The following SORCS1 variants were observed in gnomAD, a reference collection of about 807,000 sequenced individuals.
The protein encoded by SORCS1 is VPS10 domain-containing receptor SorCS1.
In SORCS1, 60 loss-of-function variants were observed where a neutral mutation model predicts 146.1. The observed-to-expected ratio is 0.41, with a 90% confidence interval of 0.33 to 0.51. SORCS1 has a LOEUF of 0.51. Ranked by LOEUF, SORCS1 falls within the 20% of genes least tolerant of loss-of-function variation. The probability of loss-of-function intolerance (pLI) is 0.21; values close to 1 mark genes in which losing one functional copy is unlikely to be tolerated. For missense variants in SORCS1, 1,352 were observed against 1,487.6 expected (o/e 0.91, Z 1.50); for synonymous variants, 637 against 584.0 (o/e 1.09, Z -1.31).
intron 1 of SORCS1, among the ~76,000 whole-genome samples, chr10:107,053,544 AAT>A (rs1308594702): frequency 2.0e-5 from 3 of 152,174 alleles, no homozygotes; most frequent in African/African-American, 7.2e-5. Flanking sequence ...TTGAAAAAAA[AAT>A]GTCTCCAACT....
At position 107,112,740 on chromosome 10, in the gene SORCS1, T is replaced by C. The variant is rs1197176945; in HGVS notation, c.558+51229A>G. ...AAGAGAGCATGGGTGGCTATACTTA[T>C]ATCAGACAACATAGATTTTCAGTCA... On this transcript the variant is annotated intron_variant, in intron 1 of 25. Coordinates refer to ENST00000263054, the MANE Select transcript of SORCS1 (RefSeq NM_052918.5). Among the ~76,000 whole-genome samples the C allele has an allele frequency of 2.0e-5, 3 of 152,208 alleles. 1 individual carries two copies. Among genetic ancestry groups the C allele is most frequent in the Admixed American group, 2.0e-4 (3 of 15,274 alleles).
rs752752763 is a variant in SORCS1, at chr10:107,164,029, C to G, written c.498G>C (p.Ala166=). 1.9e-6 allele frequency: 3 copies of G among 1,614,088 alleles called. No homozygotes were observed. In the South Asian group the frequency reaches 3.3e-5, roughly 18 times the overall value. ...EELRLTSTTF[A]LTGDSAHNQA... ...GGTTGTGTGCTGAGTCTCCCGTCAGCGCAAACGTGGTGCTGGTCAGTCTCA... is the reference window on the plus strand; with the variant it reads ...GGTTGTGTGCTGAGTCTCCCGTCAGGGCAAACGTGGTGCTGGTCAGTCTCA... Residue 166 remains alanine, a synonymous_variant, in exon 1 of 26, where the codon GCG becomes GCC. Transcript: ENST00000263054. The surrounding 1 kb of genome is among the most constrained non-coding windows in gnomAD (Gnocchi z 6.8).
chr10:106,774,321 C>T (rs1369332861), intron 4 of SORCS1, among the ~76,000 whole-genome samples: 3 of 152,050 alleles, frequency 2.0e-5, no homozygotes, highest in African/African-American at 4.8e-5. Context: ...ACATATCATT[C>T]TCTGGATGCA....
At chr10:106,804,749 A>G (rs1009137860) in intron 3 of SORCS1, among the ~76,000 whole-genome samples, 5 of 152,336 alleles carry the variant, frequency 3.3e-5, no homozygotes, top group South Asian at 2.1e-4. Flanking sequence ...AGTGAAATAT[A>G]TGGACCTCTT....
At chr10:106,647,036 T>C (rs1300467562) in intron 18 of SORCS1, among the ~76,000 whole-genome samples, 1 of 131,470 alleles carries the variant, frequency 7.6e-6, no homozygotes, top group Non-Finnish European at 1.6e-5. Flanking sequence ...TATATATATA[T>C]ATATATGGTA....
intron 6 of SORCS1, among the ~76,000 whole-genome samples, chr10:106,715,180 A>G (rs983364928): frequency 3.3e-5 from 5 of 152,206 alleles, no homozygotes; most frequent in African/African-American, 1.2e-4. Context: ...TCCATATTCA[A>G]TTCTGGTGAG....
At chr10:106,600,495 T>A (rs552112484) in intron 23 of SORCS1, 1 of 983,888 alleles carries the variant, frequency 1.0e-6, no homozygotes, top group African/African-American at 1.7e-5. Flanking sequence ...GAAATGAGTA[T>A]GAAACTGTTG....
Position 106,629,318 on chromosome 10 carries a change from C to G in SORCS1, c.2546G>C (p.Ser849Thr), listed in dbSNP as rs1168892673. Reference sequence around the variant, plus strand: ...GTGTTTGATCCCATCTTCCATGGAGCTGAGATTGACGTAAGACACCGCGAT... The same window carrying G: ...GTGTTTGATCCCATCTTCCATGGAGGTGAGATTGACGTAAGACACCGCGAT... ...DGIAVSYVNL[S>T]SMEDGIKHVY... The change falls in exon 19 of 26, where the codon AGC becomes ACC. Residue 849 changes from serine to threonine, a missense_variant. By Grantham distance (58) the Ser-to-Thr change is moderately conservative. This residue lies in a region of SORCS1 where 648 missense variants were observed against 793.8 expected (regional missense o/e 0.82). Coordinates refer to ENST00000263054, the MANE Select transcript of SORCS1 (RefSeq NM_052918.5). 3 of 1,614,062 alleles carry G rather than the reference C, an allele frequency of 1.9e-6. No homozygotes were observed. Among genetic ancestry groups the G allele is most frequent in the South Asian group, 2.2e-5 (2 of 91,086 alleles).
At chr10:106,744,386 T>C (rs573202107) in intron 5 of SORCS1, among the ~76,000 whole-genome samples, 9 of 152,298 alleles carry the variant, frequency 5.9e-5, no homozygotes, top group Middle Eastern at 3.4e-3. Context: ...ATTTCAGGCT[T>C]GAGCCACCGT....
intron 1 of SORCS1, among the ~76,000 whole-genome samples, chr10:107,070,108 A>C (rs940385585): frequency 6.6e-6 from 1 of 152,210 alleles, no homozygotes; most frequent in Non-Finnish European, 1.5e-5. Flanking sequence ...GACTTCTTTC[A>C]CTTAGCATAA....
At chr10:106,988,366 A>G (rs897398076) in intron 1 of SORCS1, among the ~76,000 whole-genome samples, 7 of 152,154 alleles carry the variant, frequency 4.6e-5, no homozygotes, top group African/African-American at 1.7e-4. Context: ...TGAAAAATAT[A>G]TTATCTCTCA....
At chr10:106,828,027 A>C (rs2136993163) in intron 3 of SORCS1, among the ~76,000 whole-genome samples, 1 of 152,326 alleles carries the variant, frequency 6.6e-6, no homozygotes, top group African/African-American at 2.4e-5. Flanking sequence ...ACATTAATTA[A>C]GCTTTTACTA....
chr10:106,815,430 C>G (rs930771574), intron 3 of SORCS1, among the ~76,000 whole-genome samples: 1 of 152,116 alleles, frequency 6.6e-6, no homozygotes, highest in Non-Finnish European at 1.5e-5. Flanking sequence ...TTGTAATTCC[C>G]CCAAGTTAGG....
At chr10:106,698,913 C>G (rs1317627849) in intron 9 of SORCS1, among the ~76,000 whole-genome samples, 1 of 152,150 alleles carries the variant, frequency 6.6e-6, no homozygotes, top group East Asian at 1.9e-4. Context: ...CCAAACATCA[C>G]AAGCAGACCA....
At chr10:106,873,725 T>C (rs184652141) in intron 2 of SORCS1, among the ~76,000 whole-genome samples, 1 of 152,356 alleles carries the variant, frequency 6.6e-6, no homozygotes, top group Admixed American at 6.5e-5. Flanking sequence ...TTAGGCAGCA[T>C]TTTCAATTTT....
chr10:106,999,373 C>T (rs1316559788), intron 1 of SORCS1, among the ~76,000 whole-genome samples: 1 of 152,212 alleles, frequency 6.6e-6, no homozygotes, highest in African/African-American at 2.4e-5. Flanking sequence ...CCATCTTCTA[C>T]TCTGACAGTT....
intron 1 of SORCS1, among the ~76,000 whole-genome samples, chr10:107,050,025 T>C (rs1383388767): frequency 2.6e-5 from 4 of 152,210 alleles, no homozygotes; most frequent in East Asian, 1.9e-4. Flanking sequence ...CAAGTGTACA[T>C]GCATATTCCA....
At chr10:106,709,380 G>A (rs1854788190) in intron 6 of SORCS1, 39 bp from the exon 7 acceptor site, 1 of 1,310,000 alleles carries the variant, frequency 7.6e-7, no homozygotes, top group Non-Finnish European at 1.1e-6. Flanking sequence ...TGGGGTTGAG[G>A]GGGATATACA....
At chr10:106,901,223 T>A (rs891260053) in intron 2 of SORCS1, among the ~76,000 whole-genome samples, 1 of 152,198 alleles carries the variant, frequency 6.6e-6, no homozygotes, top group Admixed American at 6.5e-5. Context: ...ATAGGAGGGA[T>A]TAATTCACAG....
Sources: allele counts gnomAD v4.1 joint callset (sites outside exome capture counted in the v4.1 genomes callset), GRCh38; gene constraint gnomAD v4.1.1; regional missense constraint gnomAD v4.1.1; non-coding constraint Gnocchi (gnomAD v3.1); transcripts MANE v1.5; gene names NCBI Gene and HGNC (gene_info 2026-07-23, HGNC 2026-07-21).